The following ANKRD42 variants were observed in gnomAD, a reference collection of about 807,000 sequenced individuals.
The protein encoded by ANKRD42 is ankyrin repeat domain 42, also known as ankyrin repeat domain-containing protein 42.
ANKRD42 carries 43 observed loss-of-function variants against 51.5 expected under a neutral mutation model. That is an observed-to-expected ratio of 0.83 (90% CI 0.65 to 1.08). The LOEUF (loss-of-function observed/expected upper bound fraction) is 1.08. Ranked by LOEUF, ANKRD42 falls within the 50% of genes least tolerant of loss-of-function variation. The probability of loss-of-function intolerance (pLI) is 0.00; values close to 1 mark genes in which losing one functional copy is unlikely to be tolerated. For synonymous variants in ANKRD42, 203 were observed against 213.0 expected, an observed-to-expected ratio of 0.95 and a Z score of 0.41; for missense variants, 608 against 629.3, an observed-to-expected ratio of 0.97 and a Z score of 0.36.
downstream of ANKRD42, chr11:83,257,421 C>G (rs1591018560): frequency 2.4e-6 from 1 of 416,632 alleles, no homozygotes; most frequent in Admixed American, 3.0e-5. Context: ...GAATTGAAGT[C>G]AGAACTGAAC....
intron 9 of ANKRD42, among the ~76,000 whole-genome samples, chr11:83,244,787 A>G (rs748102147): frequency 6.6e-6 from 1 of 152,242 alleles, no homozygotes; most frequent in Non-Finnish European, 1.5e-5. Context: ...ACTACAAGTG[A>G]CCAATCACAA....
At chr11:83,263,124 T>C (rs189408346), downstream of ANKRD42, among the ~76,000 whole-genome samples, 1 of 152,150 alleles carries the variant, frequency 6.6e-6, no homozygotes, top group Non-Finnish European at 1.5e-5. Flanking sequence ...CACACAAAAT[T>C]TGTGATCCTT....
chr11:83,225,147 T>G, intron 6 of ANKRD42, 92 bp downstream of exon 6: 1 of 1,143,016 alleles, frequency 8.7e-7, no homozygotes, highest in Non-Finnish European at 1.2e-6. Context: ...GGAAAAGATA[T>G]AAGGCAAATG....
intron 5 of ANKRD42, among the ~76,000 whole-genome samples, chr11:83,223,062 C>T (rs1281506511): frequency 6.6e-6 from 1 of 152,072 alleles, no homozygotes; most frequent in Non-Finnish European, 1.5e-5. Flanking sequence ...ACCAGCCTGG[C>T]CAACATGGTG....
intron 2 of ANKRD42, among the ~76,000 whole-genome samples, chr11:83,205,271 A>G (rs1862027645): frequency 6.6e-6 from 1 of 151,940 alleles, no homozygotes; most frequent in African/African-American, 2.4e-5. Context: ...TGTTGAATAA[A>G]TGAATGACTT....
intron 5 of ANKRD42, 32 bp downstream of exon 5, chr11:83,211,462 T>C (rs1329940202): frequency 6.2e-7 from 1 of 1,605,602 alleles, no homozygotes; most frequent in Admixed American, 1.7e-5. Flanking sequence ...TTTTAGTTTT[T>C]CATTGATGTA....
intron 11 of ANKRD42, among the ~76,000 whole-genome samples, chr11:83,254,643 A>G (rs1456488403): frequency 6.7e-6 from 1 of 149,420 alleles, no homozygotes; most frequent in Non-Finnish European, 1.5e-5. Flanking sequence ...CTAGTCTTGA[A>G]CTCCTGACCT....
chr11:83,218,421 C>T (rs946165723), intron 5 of ANKRD42, among the ~76,000 whole-genome samples: 9 of 152,158 alleles, frequency 5.9e-5, no homozygotes, highest in African/African-American at 2.2e-4. Flanking sequence ...CTAAAGCTGC[C>T]TCATTTTCAA....
intron 5 of ANKRD42, among the ~76,000 whole-genome samples, chr11:83,218,489 A>G (rs1249755851): frequency 6.6e-6 from 1 of 152,222 alleles, no homozygotes; most frequent in Non-Finnish European, 1.5e-5. Context: ...AGATCAGAGG[A>G]CTGCCCTAAC....
At chr11:83,212,597 A>T in intron 5 of ANKRD42, 1 of 1,358,820 alleles carries the variant, frequency 7.4e-7, no homozygotes, top group East Asian at 2.5e-5. Context: ...ACAAACACAC[A>T]AAGGGGAAGG....
At chr11:83,203,987 G>A (rs1861969452) in intron 2 of ANKRD42, among the ~76,000 whole-genome samples, 1 of 152,072 alleles carries the variant, frequency 6.6e-6, no homozygotes, top group Admixed American at 6.6e-5. Context: ...CTGTTGTCCA[G>A]GCTGGAGTAC....
chr11:83,245,439 C>T, intron 9 of ANKRD42, 59 bp from the exon 10 acceptor site: 1 of 1,501,220 alleles, frequency 6.7e-7, no homozygotes, highest in Admixed American at 2.1e-5. Context: ...TACCAGCACC[C>T]AGTGGACACA....
chr11:83,196,743 C>A (rs963368661), intron 1 of ANKRD42, among the ~76,000 whole-genome samples: 2 of 152,062 alleles, frequency 1.3e-5, no homozygotes, highest in Non-Finnish European at 2.9e-5. Flanking sequence ...ACCAGACTTA[C>A]GTTGAGTAGA....
At chr11:83,228,726 G>A (rs1196253090) in intron 7 of ANKRD42, among the ~76,000 whole-genome samples, 3 of 152,100 alleles carry the variant, frequency 2.0e-5, no homozygotes, top group Admixed American at 6.6e-5. Context: ...TAAGTGCTAT[G>A]TGTACCAATG....
chr11:83,259,140 A>G (rs1863827272), downstream of ANKRD42: 2 of 152,218 alleles, frequency 1.3e-5, no homozygotes, highest in Middle Eastern at 3.2e-3. Flanking sequence ...CAAGTACCTC[A>G]CATGTGTCTA....
chr11:83,224,337 C>T (rs1862807882), intron 5 of ANKRD42, among the ~76,000 whole-genome samples: 1 of 151,882 alleles, frequency 6.6e-6, no homozygotes, highest in African/African-American at 2.4e-5. Context: ...GCATTTTATC[C>T]TGTAATTATA....
chr11:83,213,484 A>T, intron 5 of ANKRD42: 1 of 1,353,552 alleles, frequency 7.4e-7, no homozygotes, highest in Non-Finnish European at 9.5e-7. Context: ...ACAAAAAATT[A>T]TTTTGTGTTA....
downstream of ANKRD42, among the ~76,000 whole-genome samples, chr11:83,256,523 C>T (rs765728836): frequency 5.3e-5 from 8 of 152,092 alleles, no homozygotes; most frequent in Non-Finnish European, 1.2e-4. Flanking sequence ...CAGTTCAGTT[C>T]TGACTTCAAT....
chr11:83,246,157 G>C (rs1251793441), intron 10 of ANKRD42, among the ~76,000 whole-genome samples: 1 of 152,182 alleles, frequency 6.6e-6, no homozygotes, highest in African/African-American at 2.4e-5. Context: ...CATCATGGAT[G>C]CAACCAAACT....
Sources: gnomAD v4.1 joint callset for allele counts (sites outside exome capture counted in the v4.1 genomes callset) on GRCh38, gnomAD v4.1.1 for gene constraint, MANE v1.5 for transcripts, NCBI Gene and HGNC (gene_info 2026-07-23, HGNC 2026-07-21) for gene names.